Variants in NPIPA8 observed in about 807,000 individuals in gnomAD.
The protein encoded by NPIPA8 is nuclear pore complex interacting protein family member A8.
NPIPA8 carries 1 observed loss-of-function variant against 7.1 expected under a neutral mutation model. The ratio of observed to expected loss-of-function variants is 0.14; its 90% CI spans 0.05 to 0.66. The LOEUF (loss-of-function observed/expected upper bound fraction) is 0.66. Ranked by LOEUF, NPIPA8 falls within the 30% of genes least tolerant of loss-of-function variation. The pLI is 0.84.
chr16:18,336,254 G>C (rs1427268060), upstream of NPIPA8, among the ~76,000 whole-genome samples: 8 of 122,384 alleles, frequency 6.5e-5, no homozygotes, highest in Admixed American at 5.9e-4. Context: ...ACCCGGCCCG[G>C]CCACTGGGAG....
upstream of NPIPA8, among the ~76,000 whole-genome samples, chr16:18,336,248 G>A (rs1452647206): frequency 1.5e-4 from 19 of 123,358 alleles, no homozygotes; most frequent in East Asian, 1.6e-3. Flanking sequence ...CACCACACCC[G>A]GCCCGGCCAC....
intron 4 of NPIPA8, among the ~76,000 whole-genome samples, 179 bp downstream of exon 6, chr16:18,323,912 A>T (rs1483970127): frequency 1.0e-4 from 15 of 143,748 alleles, no homozygotes; most frequent in African/African-American, 3.5e-4. Flanking sequence ...ACAAACAAGA[A>T]TGTAGGAAGG....
At chr16:18,324,901 G>A (rs1474290100) in intron 2 of NPIPA8, among the ~76,000 whole-genome samples, 1 of 88,714 alleles carries the variant, frequency 1.1e-5, no homozygotes, top group African/African-American at 6.1e-5. Flanking sequence ...TTGGGAGGCC[G>A]AGGCAGGCGG....
chr16:18,335,499 C>T (rs1207259507), upstream of NPIPA8, among the ~76,000 whole-genome samples: 3 of 122,396 alleles, frequency 2.5e-5, no homozygotes, highest in Non-Finnish European at 5.2e-5. Flanking sequence ...CACGCCCGGC[C>T]ATCGTTCCAT....
chr16:18,335,447 G>A (rs1193295685), upstream of NPIPA8, among the ~76,000 whole-genome samples: 3 of 115,064 alleles, frequency 2.6e-5, no homozygotes, highest in African/African-American at 7.8e-5. Context: ...TGATCTGCCC[G>A]CCTCCGCCTC....
upstream of NPIPA8, among the ~76,000 whole-genome samples, chr16:18,335,273 C>T (rs1900149366): frequency 2.7e-5 from 1 of 37,192 alleles, no homozygotes; most frequent in Admixed American, 2.3e-4. Flanking sequence ...TCTCAGCTCA[C>T]TGCAACCTCC....
chr16:18,324,757 T>C (rs1410602656), intron 2 of NPIPA8, among the ~76,000 whole-genome samples: 1 of 68,772 alleles, frequency 1.5e-5, no homozygotes, highest in Admixed American at 1.6e-4. Flanking sequence ...TGAGCCGAGA[T>C]CACACCACTG....
At chr16:18,324,631 C>T (rs1309147782) in intron 2 of NPIPA8, 133 bp from the exon 5 acceptor site, 1 of 522,858 alleles carries the variant, frequency 1.9e-6, no homozygotes, top group Non-Finnish European at 3.0e-6. Context: ...ATGGTGAAAC[C>T]CCGTCTCTAC....
chr16:18,335,561 G>A (rs539830611), upstream of NPIPA8, among the ~76,000 whole-genome samples: 1,755 of 106,522 alleles, frequency 0.016, 196 homozygotes, highest in African/African-American at 0.068. Context: ...TTCCTGCCAC[G>A]GACTCGGGAG....
At chr16:18,335,387 C>T (rs1217624247), upstream of NPIPA8, among the ~76,000 whole-genome samples, 6 of 97,630 alleles carry the variant, frequency 6.1e-5, no homozygotes, top group East Asian at 2.6e-4. Context: ...TTAGTAGAGA[C>T]GGGGTTTCAC....
rs750129798 is a variant in NPIPA8, at chr16:18,323,847, A to AAAAAAAAAG, written c.437+243_437+244insCTTTTTTTT. On this transcript the variant is annotated intron_variant, in intron 4 of 7. Coordinates refer to ENST00000541810, the Ensembl canonical transcript of NPIPA8. The stretch of plus-strand genomic sequence containing the variant: ...AAAAAAAAAAAAAAAAAAAAAAAAA[A>AAAAAAAAAG]AGAGAAAGGAAAACCAATGCCAGTA... Among the ~76,000 whole-genome samples the AAAAAAAAAG allele has an allele frequency of 2.1e-3, 193 of 91,590 alleles. 18 individuals carry two copies. The highest frequency in any genetic ancestry group is 0.012 in the East Asian group (35 of 2,850). The allele number at this position is 91,590 out of a possible 152,430, so 60.1% of individuals were successfully genotyped here. A position where few individuals can be genotyped will look rare whatever the true frequency, so the allele number is the denominator to read the frequency against.
chr16:18,335,975 C>A (rs1339112680), upstream of NPIPA8, among the ~76,000 whole-genome samples: 1 of 151,406 alleles, frequency 6.6e-6, no homozygotes, highest in African/African-American at 2.4e-5. Context: ...CGCCCGCCAC[C>A]ATGCCCAGCT....
chr16:18,336,000 G>A (rs1242818651), upstream of NPIPA8, among the ~76,000 whole-genome samples: 4 of 151,678 alleles, frequency 2.6e-5, no homozygotes, highest in Non-Finnish European at 4.4e-5. Context: ...TTTTGTATTT[G>A]TAGTAGAGAC....
At chr16:18,324,979 T>A (rs868342061) in intron 2 of NPIPA8, among the ~76,000 whole-genome samples, 30 of 73,462 alleles carry the variant, frequency 4.1e-4, no homozygotes, top group Admixed American at 4.3e-4. Flanking sequence ...TGCTAAAAAT[T>A]CAAAATTAGC....
upstream of NPIPA8, among the ~76,000 whole-genome samples, chr16:18,336,006 G>A (rs1460170530): frequency 2.6e-5 from 4 of 151,738 alleles, no homozygotes; most frequent in African/African-American, 7.3e-5. Flanking sequence ...ATTTGTAGTA[G>A]AGACAGGGTT....
upstream of NPIPA8, among the ~76,000 whole-genome samples, chr16:18,335,181 AAC>A (rs1262753863): frequency 7.8e-4 from 9 of 11,556 alleles, no homozygotes; most frequent in Admixed American, 2.1e-3. Context: ...GCAGCTAAGG[AAC>A]AGAGTTTTGA....
chr16:18,336,514 G>C, upstream of NPIPA8: 1 of 1,402 alleles, frequency 7.1e-4, no homozygotes, highest in Admixed American at 3.7e-3. Context: ...GACCCTTCCC[G>C]AGCAGCCTTT....
chr16:18,335,861 C>T (rs1437475821), upstream of NPIPA8, among the ~76,000 whole-genome samples: 1 of 128,566 alleles, frequency 7.8e-6, no homozygotes, highest in Non-Finnish European at 1.6e-5. Flanking sequence ...TGCTCCATTG[C>T]CCAGGATGGA....
chr16:18,325,264 G>A (rs28631293), intron 2 of NPIPA8, among the ~76,000 whole-genome samples: 60 of 28,106 alleles, frequency 2.1e-3, no homozygotes, highest in East Asian at 3.8e-3. Context: ...GTGAAACCCC[G>A]TCTCTACTAA....
Sources: gnomAD v4.1 joint callset for allele counts (sites outside exome capture counted in the v4.1 genomes callset) on GRCh38, gnomAD v4.1.1 for gene constraint, MANE v1.5 for transcripts, NCBI Gene and HGNC (gene_info 2026-07-23, HGNC 2026-07-21) for gene names.